Variants in PTPN14 observed in about 807,000 individuals in gnomAD.
PTPN14 encodes the protein protein tyrosine phosphatase non-receptor type 14, also known as tyrosine-protein phosphatase non-receptor type 14.
PTPN14 carries 53 observed loss-of-function variants against 126.8 expected under a neutral mutation model. The observed-to-expected ratio is 0.42, with a 90% CI of 0.34 to 0.53. The LOEUF is 0.53. Ranked by LOEUF, PTPN14 falls within the 20% of genes least tolerant of loss-of-function variation. PTPN14 has a pLI of 0.08. For synonymous variants in PTPN14, 630 were observed against 599.3 expected (o/e 1.05, Z -0.75); for missense variants, 1,257 against 1,552.9 (o/e 0.81, Z 3.20).
intron 3 of PTPN14, among the ~76,000 whole-genome samples, chr1:214,427,821 G>C (rs55832582): frequency 0.033 from 5,042 of 152,280 alleles, 131 homozygotes; most frequent in Non-Finnish European, 0.047. Flanking sequence ...GTGGATATTT[G>C]GGGGATGGAG....
At chr1:214,375,730 T>A (rs77686486) in intron 15 of PTPN14, among the ~76,000 whole-genome samples, 3,486 of 152,292 alleles carry the variant, frequency 0.023, 58 homozygotes, top group Middle Eastern at 0.051. Context: ...TAGGTGAAAA[T>A]TACTCCACTC....
At chr1:214,464,514 G>A in intron 2 of PTPN14, 116 bp downstream of exon 2, 6 of 1,363,172 alleles carry the variant, frequency 4.4e-6, no homozygotes, top group Non-Finnish European at 6.0e-6. Context: ...TCGTCGCTTA[G>A]GCCAAAAAAC....
chr1:214,481,866 A>G (rs1032977525), intron 1 of PTPN14, among the ~76,000 whole-genome samples: 3 of 151,968 alleles, frequency 2.0e-5, no homozygotes, highest in Non-Finnish European at 2.9e-5. Flanking sequence ...GGGCACCTGT[A>G]GTCCCAGCTA....
intron 1 of PTPN14, among the ~76,000 whole-genome samples, chr1:214,527,755 T>C (rs1558142854): frequency 6.6e-6 from 1 of 152,170 alleles, no homozygotes; most frequent in Non-Finnish European, 1.5e-5. Context: ...TAGAAAAATC[T>C]GTAAGGTGGT....
rs1204567851 is a variant in PTPN14, at chr1:214,354,780, T to C, written c.*3142A>G. 6.6e-6 allele frequency: 1 copy of C among 152,208 alleles called. No homozygotes were observed. Among genetic ancestry groups the C allele is most frequent in the Non-Finnish European group, 1.5e-5 (1 of 68,036 alleles). The allele number at this position is 152,208 out of a possible 1,614,324, so 9.4% of individuals were successfully genotyped here. A position where few individuals can be genotyped will look rare whatever the true frequency, so the allele number is the denominator to read the frequency against. ...GAGATGGTAACTTTTTTTTCCTCCA[T>C]TTTACATTTTCTCCCTTCAAATCCA... On this transcript the variant is annotated 3_prime_UTR_variant, in exon 19 of 19. Transcript: ENST00000366956.
chr1:214,520,067 T>G (rs866082500), intron 1 of PTPN14, among the ~76,000 whole-genome samples: 1 of 80,484 alleles, frequency 1.2e-5, no homozygotes, highest in African/African-American at 6.5e-5. Context: ...AAAAAAAAAA[T>G]ATATATATAT....
intron 1 of PTPN14, among the ~76,000 whole-genome samples, chr1:214,522,417 C>T (rs1655283032): frequency 6.6e-6 from 1 of 152,130 alleles, no homozygotes; most frequent in Non-Finnish European, 1.5e-5. Flanking sequence ...AAAACAGTAA[C>T]TTGCAAAATG....
rs7539250 is a variant in PTPN14 at position 214,376,522 on chromosome 1, G to A, written c.2689-85C>T. 1,904 of 1,175,586 alleles carry A rather than the reference G, an allele frequency of 1.6e-3. 29 individuals carry two copies. In the African/African-American group the frequency reaches 0.026, roughly 16 times the overall value. 72.8% of individuals were successfully genotyped at this position (1,175,586 alleles called of 1,614,324 possible). Reference sequence around the variant, plus strand: ...AACCAAATTTCTTTAAATATTTAGCGATTGTGTTAAAAGAGATTTCAAGTT... The same window carrying A: ...AACCAAATTTCTTTAAATATTTAGCAATTGTGTTAAAAGAGATTTCAAGTT... On this transcript the variant is annotated intron_variant, in intron 14 of 18. Coordinates refer to ENST00000366956, the MANE Select transcript of PTPN14 (RefSeq NM_005401.5).
At chr1:214,439,924 G>A (rs920169011) in intron 3 of PTPN14, among the ~76,000 whole-genome samples, 1 of 152,178 alleles carries the variant, frequency 6.6e-6, no homozygotes, top group Non-Finnish European at 1.5e-5. Context: ...ACTCAAAGAA[G>A]TGCCTGTTTC....
intron 3 of PTPN14, among the ~76,000 whole-genome samples, chr1:214,431,354 T>C (rs1012099153): frequency 5.3e-5 from 8 of 152,170 alleles, no homozygotes; most frequent in Admixed American, 5.2e-4. Context: ...GGAGGTCAAA[T>C]AATAATGATG....
At chr1:214,454,621 T>C (rs984108255) in intron 2 of PTPN14, among the ~76,000 whole-genome samples, 10 of 152,058 alleles carry the variant, frequency 6.6e-5, no homozygotes, top group African/African-American at 2.4e-4. Context: ...TTGAGGAGGA[T>C]GATGAGGTAC....
At chr1:214,389,329 A>C (rs1458092379) in intron 11 of PTPN14, among the ~76,000 whole-genome samples, 1 of 152,264 alleles carries the variant, frequency 6.6e-6, no homozygotes, top group Non-Finnish European at 1.5e-5. Flanking sequence ...GGACAATAAT[A>C]GCTAATCCCT....
chr1:214,465,040 C>G, intron 1 of PTPN14, 83 bp from the exon 2 acceptor site: 1 of 389,006 alleles, frequency 2.6e-6, no homozygotes. Flanking sequence ...CAGAAGCCCC[C>G]CCCCCCCCCC....
intron 1 of PTPN14, among the ~76,000 whole-genome samples, chr1:214,470,692 G>A (rs1368676065): frequency 6.7e-6 from 1 of 150,104 alleles, no homozygotes; most frequent in Non-Finnish European, 1.5e-5. Context: ...GCTGAGGCAG[G>A]AGAGTCACTT....
rs190193375 is a variant in PTPN14 at position 214,471,310 on chromosome 1, T to C, written c.-154-6353A>G. Among the ~76,000 whole-genome samples, 11 of 152,316 alleles carry C rather than the reference T, an allele frequency of 7.2e-5. No homozygotes were observed. In the East Asian group the frequency reaches 2.1e-3, roughly 29 times the overall value. ...GGTTCTAAGAACCAAGGTTTACTAT[T>C]AGGGATAGGAACATGCACAAACTTT... is the stretch of plus-strand genomic sequence containing the variant. On this transcript the variant is annotated intron_variant, in intron 1 of 18. Coordinates refer to ENST00000366956, the MANE Select transcript of PTPN14 (RefSeq NM_005401.5).
intron 3 of PTPN14, among the ~76,000 whole-genome samples, chr1:214,425,702 G>A (rs184484112): frequency 8.9e-4 from 135 of 152,208 alleles, no homozygotes; most frequent in Non-Finnish European, 1.5e-3. Flanking sequence ...AAAAGCTTTG[G>A]AAGAACTGAA....
chr1:214,479,341 C>CT (rs368916343), intron 1 of PTPN14, among the ~76,000 whole-genome samples: 29,527 of 137,892 alleles, frequency 0.21, 4,073 homozygotes, highest in East Asian at 0.37. Context: ...AAAACCCTGT[C>CT]TTTTTTTTTT....
intron 1 of PTPN14, among the ~76,000 whole-genome samples, chr1:214,478,995 T>A (rs1031089140): frequency 4.6e-5 from 7 of 151,850 alleles, no homozygotes; most frequent in African/African-American, 1.7e-4. Flanking sequence ...ATACAAAATG[T>A]ACAAAATAGT....
chr1:214,397,756 CT>C lies in PTPN14; in HGVS notation c.758+156del, dbSNP rs1047595496. On this transcript the variant is annotated intron_variant, in intron 8 of 18. Transcript: ENST00000366956. ...TCTACGAAAAGTGAGATGAATTTAACTGCTTAAATCCTGCAGAGGGCTCACC... is the reference window on the plus strand; with the variant it reads ...TCTACGAAAAGTGAGATGAATTTAACGCTTAAATCCTGCAGAGGGCTCACC... 8.0e-4 allele frequency among the ~76,000 whole-genome samples: 122 copies of C among 152,282 alleles called. 1 individual carries two copies. Among genetic ancestry groups the C allele is most frequent in the African/African-American group, 2.7e-3 (113 of 41,550 alleles).
Sources: allele counts gnomAD v4.1 joint callset (sites outside exome capture counted in the v4.1 genomes callset), GRCh38; gene constraint gnomAD v4.1.1; transcripts MANE v1.5; gene names NCBI Gene and HGNC (gene_info 2026-07-23, HGNC 2026-07-21).